ARNT: variants seen among roughly 807,000 people sequenced by gnomAD.
ARNT encodes aryl hydrocarbon receptor nuclear translocator, also known as class E basic helix-loop-helix protein 2.
In ARNT, 30 loss-of-function variants were observed where a neutral mutation model predicts 105.0. The observed-to-expected ratio is 0.29, with a 90% CI of 0.21 to 0.39. The LOEUF is 0.39. Among genes scored for constraint, ARNT ranks in the 10% least tolerant of loss-of-function variants. ARNT has a pLI of 1.00. For missense variants in ARNT, 748 were observed against 978.7 expected, an observed-to-expected ratio of 0.76 and a Z score of 3.15; for synonymous variants, 304 against 344.0, an observed-to-expected ratio of 0.88 and a Z score of 1.29.
At chr1:150,844,705 GAATTT>G (rs1661865967) in intron 4 of ARNT, among the ~76,000 whole-genome samples, 1 of 150,886 alleles carries the variant, frequency 6.6e-6, no homozygotes, top group African/African-American at 2.4e-5. Flanking sequence ...TGACATTTAA[GAATTT>G]AATAAAAAAA....
At chr1:150,840,718 A>AT (rs587618209) in intron 5 of ARNT, among the ~76,000 whole-genome samples, 117 of 152,342 alleles carry the variant, frequency 7.7e-4, no homozygotes, top group Non-Finnish European at 1.3e-3. Context: ...TGACAAGACA[A>AT]TTTGAATCTC....
At chr1:150,833,407 G>A (rs1457798084) in intron 8 of ARNT, among the ~76,000 whole-genome samples, 4 of 152,042 alleles carry the variant, frequency 2.6e-5, no homozygotes, top group Non-Finnish European at 4.4e-5. Context: ...CATGAGAATC[G>A]CTTGAACCCA....
chr1:150,851,950 A>C (rs1663673065), intron 3 of ARNT, among the ~76,000 whole-genome samples: 1 of 152,044 alleles, frequency 6.6e-6, no homozygotes, highest in East Asian at 1.9e-4. Flanking sequence ...TGGGAGGCTG[A>C]GGCAGGAGAA....
chr1:150,822,196 G>A (rs1034448166), intron 14 of ARNT, among the ~76,000 whole-genome samples: 1 of 151,600 alleles, frequency 6.6e-6, no homozygotes, highest in Non-Finnish European at 1.5e-5. Flanking sequence ...TATATTTACT[G>A]AAAAAAATCC....
intron 2 of ARNT, among the ~76,000 whole-genome samples, chr1:150,856,468 AAAAG>A (rs1664631124): frequency 6.6e-6 from 1 of 151,696 alleles, no homozygotes; most frequent in Non-Finnish European, 1.5e-5. Context: ...ATAAATAAAT[AAAAG>A]AAATATTAGG....
intron 7 of ARNT, among the ~76,000 whole-genome samples, chr1:150,835,148 AAAAAGAAT>A (rs1660077889): frequency 6.6e-6 from 1 of 151,484 alleles, no homozygotes; most frequent in Admixed American, 6.6e-5. Context: ...CAAAAAAAAA[AAAAAGAAT>A]AAAAAGAAAA....
intron 5 of ARNT, among the ~76,000 whole-genome samples, chr1:150,840,435 T>C (rs973088673): frequency 2.6e-5 from 4 of 152,208 alleles, no homozygotes; most frequent in Non-Finnish European, 5.9e-5. Flanking sequence ...CCATAGCTGA[T>C]ACAAGAATTG....
intron 7 of ARNT, 115 bp from the exon 8 acceptor site, chr1:150,834,755 CT>C: frequency 1.2e-6 from 1 of 808,230 alleles, no homozygotes; most frequent in Non-Finnish European, 2.0e-6. Context: ...AATCTCCTTG[CT>C]TATAACAGAA....
chr1:150,836,938 C>A (rs754694966), intron 6 of ARNT, among the ~76,000 whole-genome samples: 2 of 152,040 alleles, frequency 1.3e-5, no homozygotes, highest in South Asian at 2.1e-4. Flanking sequence ...TGGTGGCACA[C>A]GCCTGTAGTC....
chr1:150,842,054 T>C (rs10305681), intron 5 of ARNT, among the ~76,000 whole-genome samples: 22 of 152,124 alleles, frequency 1.4e-4, no homozygotes, highest in African/African-American at 5.3e-4. Context: ...TAATCACAAA[T>C]ACAGATATAT....
chr1:150,866,291 C>T (rs1666581800), intron 1 of ARNT, among the ~76,000 whole-genome samples: 1 of 151,960 alleles, frequency 6.6e-6, no homozygotes, highest in Non-Finnish European at 1.5e-5. Flanking sequence ...TCAGCCTGTT[C>T]CAAGGTCTTC....
chr1:150,874,169 A>T (rs1281602455), intron 1 of ARNT, among the ~76,000 whole-genome samples: 1 of 152,124 alleles, frequency 6.6e-6, no homozygotes, highest in African/African-American at 2.4e-5. Context: ...ACCTGAAAAC[A>T]TTTACTTTCA....
At chr1:150,817,892 AAC>A (rs1264716092) in intron 15 of ARNT, 26 bp downstream of exon 15, 1 of 1,561,636 alleles carries the variant, frequency 6.4e-7, no homozygotes, top group East Asian at 2.3e-5. Context: ...GTGACTGCTC[AAC>A]AGATGATTAT....
At chr1:150,853,281 CA>C (rs762446224) in intron 2 of ARNT, 13,510 of 294,362 alleles carry the variant, frequency 0.046, no homozygotes, top group South Asian at 0.076. Context: ...GACTCCATCT[CA>C]AAAAAAAAAA....
At chr1:150,870,298 T>C (rs1667228284) in intron 1 of ARNT, among the ~76,000 whole-genome samples, 1 of 151,942 alleles carries the variant, frequency 6.6e-6, no homozygotes, top group Admixed American at 6.5e-5. Context: ...TTAGTACAAA[T>C]TCATGATGTC....
chr1:150,867,096 C>T (rs912866570), intron 1 of ARNT, among the ~76,000 whole-genome samples: 2 of 151,794 alleles, frequency 1.3e-5, no homozygotes, highest in East Asian at 1.9e-4. Flanking sequence ...CCCAGCTACT[C>T]GAGAGGCTGA....
intron 21 of ARNT, among the ~76,000 whole-genome samples, chr1:150,812,386 C>G (rs879353046): frequency 6.6e-6 from 1 of 152,198 alleles, no homozygotes. Context: ...TTTCATATAA[C>G]CCCCTATAGA....
At position 150,843,772 on chromosome 1, in the gene ARNT, C is replaced by A. The variant is rs79054358; in HGVS notation, c.228-1304G>T. The stretch of plus-strand genomic sequence containing the variant: ...TTTTAAAAGAACAGGACTAACCAGG[C>A]ATGGTGGCTATGCATATAATCCCAA... On this transcript the variant is annotated intron_variant, in intron 4 of 21. Coordinates refer to ENST00000358595, the MANE Select transcript of ARNT (RefSeq NM_001668.4). Among the ~76,000 whole-genome samples the A allele has an allele frequency of 7.7e-3, 1,168 of 152,264 alleles. 6 individuals are homozygous for A. Among genetic ancestry groups the A allele is most frequent in the Non-Finnish European group, 0.011 (717 of 68,024 alleles).
chr1:150,862,522 T>C (rs1665809731), intron 1 of ARNT, among the ~76,000 whole-genome samples: 1 of 151,914 alleles, frequency 6.6e-6, no homozygotes, highest in African/African-American at 2.4e-5. Context: ...TTTCAGCCTA[T>C]AAATTTGAAA....
Sources: gnomAD v4.1 joint callset for allele counts (sites outside exome capture counted in the v4.1 genomes callset) on GRCh38, gnomAD v4.1.1 for gene constraint, MANE v1.5 for transcripts, NCBI Gene and HGNC (gene_info 2026-07-23, HGNC 2026-07-21) for gene names.